The following PSPC1 variants were observed in gnomAD, a reference collection of about 807,000 sequenced individuals.
PSPC1 encodes the protein paraspeckle component 1.
In PSPC1, 14 loss-of-function variants were observed where a neutral mutation model predicts 51.6. The observed-to-expected ratio is 0.27, with a 90% CI of 0.18 to 0.42. The LOEUF (loss-of-function observed/expected upper bound fraction) is 0.42, where lower values mean the gene tolerates loss of function less well. Ranked by LOEUF, PSPC1 falls within the 10% of genes least tolerant of loss-of-function variation. The probability of loss-of-function intolerance (pLI) is 1.00; values close to 1 mark genes in which losing one functional copy is unlikely to be tolerated. For missense variants in PSPC1, 406 were observed against 701.1 expected (o/e 0.58, Z 4.75); for synonymous variants, 193 against 231.9 (o/e 0.83, Z 1.53).
intron 4 of PSPC1, among the ~76,000 whole-genome samples, chr13:19,750,658 C>T (rs1485107623): frequency 6.6e-6 from 1 of 152,078 alleles, no homozygotes; most frequent in Non-Finnish European, 1.5e-5. Context: ...TGTCTACCTA[C>T]CAAAATTTGC....
At chr13:19,695,625 G>A (rs1042514061) in intron 6 of PSPC1, among the ~76,000 whole-genome samples, 2 of 152,114 alleles carry the variant, frequency 1.3e-5, no homozygotes, top group Non-Finnish European at 2.9e-5. Flanking sequence ...TATGCATGCT[G>A]GTGGGGGAGG....
chr13:19,779,285 G>C lies in PSPC1; in HGVS notation c.372+3101C>G, dbSNP rs1413045595. On this transcript the variant is annotated intron_variant, in intron 1 of 8. Transcript: ENST00000338910. ...ACCCCGTCCGGGAGGGAGGTGGGGG[G>C]GGTCAGCCCCCCGCCCGGCCAGCCG... Among the ~76,000 whole-genome samples, 41 of 88,656 alleles carry C rather than the reference G, an allele frequency of 4.6e-4. 1 individual carries two copies. Among genetic ancestry groups the C allele is most frequent in the African/African-American group, 1.4e-3 (37 of 27,172 alleles). 58.2% of individuals were successfully genotyped at this position (88,656 alleles called of 152,430 possible).
At chr13:19,685,219 C>A (rs1877730848) in intron 6 of PSPC1, among the ~76,000 whole-genome samples, 1 of 152,192 alleles carries the variant, frequency 6.6e-6, no homozygotes, top group African/African-American at 2.4e-5. Context: ...CAGAGCCCAG[C>A]CCAACCTTTG....
intron 3 of PSPC1, among the ~76,000 whole-genome samples, chr13:19,756,848 C>T (rs61950577): frequency 0.13 from 19,956 of 151,858 alleles, 1,621 homozygotes; most frequent in Admixed American, 0.19. Flanking sequence ...GACAGTCAGT[C>T]GCCGGGCATG....
At chr13:19,705,193 G>A (rs1046809319) in intron 8 of PSPC1, among the ~76,000 whole-genome samples, 1 of 152,154 alleles carries the variant, frequency 6.6e-6, no homozygotes, top group Admixed American at 6.5e-5. Context: ...CTAATTCTTG[G>A]ACTACTTAAA....
chr13:19,741,611 C>G lies in PSPC1; in HGVS notation c.1006G>C (p.Glu336Gln). The change falls in exon 5 of 9, where the codon GAA becomes CAA. Residue 336 changes from glutamate to glutamine, a missense_variant. Glu to Gln is a conservative substitution (Grantham distance 29, BLOSUM62 2). Around this residue, in one of 5 missense-constraint regions of PSPC1, gnomAD observed 180 missense variants for 337.9 expected, o/e 0.53. Coordinates refer to ENST00000338910, the MANE Select transcript of PSPC1 (RefSeq NM_001354909.2). ...RRQEELRRLE[E>Q]LRNQELQKRK... Reference sequence around the variant, plus strand: ...TTTTGCAACTCTTGGTTTCTGAGTTCTTCCAAGCGTCTGAGTTCTTCTTGA... The same window carrying G: ...TTTTGCAACTCTTGGTTTCTGAGTTGTTCCAAGCGTCTGAGTTCTTCTTGA... 2 of 1,606,594 alleles carry G rather than the reference C, an allele frequency of 1.2e-6. No homozygotes were observed. Among genetic ancestry groups the G allele is most frequent in the East Asian group, 2.2e-5 (1 of 44,746 alleles).
At chr13:19,760,284 T>C (rs766797767) in intron 2 of PSPC1, among the ~76,000 whole-genome samples, 14 of 152,074 alleles carry the variant, frequency 9.2e-5, no homozygotes, top group Non-Finnish European at 1.3e-4. Context: ...TCCCAGCACT[T>C]TGGAAGGCCA....
intron 6 of PSPC1, among the ~76,000 whole-genome samples, chr13:19,716,357 T>G (rs1882089546): frequency 6.6e-6 from 1 of 152,202 alleles, no homozygotes; most frequent in Non-Finnish European, 1.5e-5. Context: ...GGGGATACAC[T>G]CACTGAACTA....
chr13:19,678,342 A>G (rs1308878509), intron 6 of PSPC1: 3 of 153,618 alleles, frequency 2.0e-5, no homozygotes, highest in African/African-American at 7.2e-5. Flanking sequence ...TAAGACCTTG[A>G]TCAATGTTCT....
chr13:19,730,946 G>GAAAA (rs1168386647), intron 5 of PSPC1, among the ~76,000 whole-genome samples: 780 of 25,200 alleles, frequency 0.031, 86 homozygotes, highest in East Asian at 0.13. Context: ...CCCTGTCTCA[G>GAAAA]AAAAAAAAAA....
chr13:19,673,515 G>A (rs1876277188), downstream of PSPC1: 1 of 184,380 alleles, frequency 5.4e-6, no homozygotes, highest in Non-Finnish European at 1.1e-5. Context: ...CTAGCTAAAT[G>A]AGGGCCAAGA....
chr13:19,714,769 A>C (rs1461585498), intron 6 of PSPC1, among the ~76,000 whole-genome samples: 1 of 152,146 alleles, frequency 6.6e-6, no homozygotes, highest in Non-Finnish European at 1.5e-5. Context: ...TGCTGTGATT[A>C]CAGGTGTGAG....
chr13:19,754,094 T>C (rs866333383), intron 3 of PSPC1, among the ~76,000 whole-genome samples: 2 of 152,022 alleles, frequency 1.3e-5, no homozygotes, highest in African/African-American at 2.4e-5. Context: ...TTCTTTCTTT[T>C]TTTTTTCCTG....
At position 19,707,628 on chromosome 13, in the gene PSPC1, G is replaced by T. The variant is rs116323560; in HGVS notation, c.1217-1797C>A. Reference sequence around the variant, plus strand: ...AGGAGAGTTAAGTGCTAAAATGTAAGTAAGTCCTCTGGTGAATAAAATGTC... The same window carrying T: ...AGGAGAGTTAAGTGCTAAAATGTAATTAAGTCCTCTGGTGAATAAAATGTC... On this transcript the variant is annotated intron_variant, in intron 7 of 8. Coordinates refer to ENST00000338910, the MANE Select transcript of PSPC1 (RefSeq NM_001354909.2). Among the ~76,000 whole-genome samples the T allele has an allele frequency of 9.0e-3, 1,374 of 152,254 alleles. 28 individuals are homozygous for T. The highest frequency in any genetic ancestry group is 0.031 in the African/African-American group (1,272 of 41,552).
intron 2 of PSPC1, among the ~76,000 whole-genome samples, chr13:19,768,941 C>G (rs1888339481): frequency 6.7e-6 from 1 of 148,858 alleles, no homozygotes; most frequent in African/African-American, 2.5e-5. Context: ...TCCTGACCAG[C>G]CTAGCCAACG....
chr13:19,782,331 C>A lies in PSPC1; in HGVS notation c.372+55G>T. ...ACGAGGCTGGCCTCAGCCCCACGAC[C>A]CCGCGGCCACCCCGACAGTCCTTTT... On this transcript the variant is annotated intron_variant, in intron 1 of 8. Transcript: ENST00000338910. The surrounding 1 kb of genome is among the most constrained non-coding windows in gnomAD (Gnocchi z 4.5). 2.6e-6 allele frequency: 4 copies of A among 1,520,056 alleles called. No individual in the cohort carries two copies. Among genetic ancestry groups the A allele is most frequent in the Non-Finnish European group, 3.5e-6 (4 of 1,136,276 alleles). 94.2% of individuals were successfully genotyped at this position (1,520,056 alleles called of 1,614,324 possible). A position where few individuals can be genotyped will look rare whatever the true frequency, so the allele number is the denominator to read the frequency against.
intron 6 of PSPC1, among the ~76,000 whole-genome samples, chr13:19,694,170 TACACACATAC>T (rs1565965448): frequency 4.1e-5 from 5 of 120,870 alleles, no homozygotes; most frequent in Non-Finnish European, 8.4e-5. Flanking sequence ...TATATATACA[TACACACATAC>T]ACACACACAC....
intron 5 of PSPC1, among the ~76,000 whole-genome samples, chr13:19,733,479 G>A (rs1884380458): frequency 6.6e-6 from 1 of 151,980 alleles, no homozygotes; most frequent in African/African-American, 2.4e-5. Flanking sequence ...TATTAGCCAC[G>A]GCCATGCACA....
chr13:19,722,392 T>C (rs1882873885), intron 6 of PSPC1, among the ~76,000 whole-genome samples: 1 of 152,040 alleles, frequency 6.6e-6, no homozygotes, highest in South Asian at 2.1e-4. Context: ...CCCAACTACA[T>C]GGGAGGCTGA....
Sources: gnomAD v4.1 joint callset for allele counts (sites outside exome capture counted in the v4.1 genomes callset) on GRCh38, gnomAD v4.1.1 for gene constraint, gnomAD v4.1.1 regional missense constraint, Gnocchi (gnomAD v3.1) non-coding constraint, MANE v1.5 for transcripts, NCBI Gene and HGNC (gene_info 2026-07-23, HGNC 2026-07-21) for gene names.